Variants in CDK14 observed in about 807,000 individuals in gnomAD.
CDK14 encodes the protein cyclin dependent kinase 14.
In CDK14, 34 loss-of-function variants were observed where a neutral mutation model predicts 60.7. The observed-to-expected ratio is 0.56, with a 90% CI of 0.43 to 0.75. The LOEUF is 0.75. CDK14 is among the 30% of genes least tolerant of loss of function. The pLI, the probability that CDK14 is intolerant of heterozygous loss-of-function variation, is 0.00. For synonymous variants in CDK14, 197 were observed against 203.7 expected (o/e 0.97, Z 0.28); for missense variants, 482 against 564.1 (o/e 0.85, Z 1.47).
chr7:90,824,167 A>G (rs1789641435), intron 5 of CDK14, among the ~76,000 whole-genome samples: 1 of 152,186 alleles, frequency 6.6e-6, no homozygotes, highest in Non-Finnish European at 1.5e-5. Flanking sequence ...ACAATAGACA[A>G]TGTTGATTCT....
intron 4 of CDK14, among the ~76,000 whole-genome samples, chr7:90,765,264 T>G (rs76047380): frequency 6.6e-6 from 1 of 152,212 alleles, no homozygotes; most frequent in Non-Finnish European, 1.5e-5. Context: ...ATTTTTTTTT[T>G]ACTACTTGTT....
At chr7:91,139,710 A>G (rs1800388292) in intron 14 of CDK14, among the ~76,000 whole-genome samples, 1 of 152,182 alleles carries the variant, frequency 6.6e-6, no homozygotes, top group Non-Finnish European at 1.5e-5. Flanking sequence ...CATAGCAAAC[A>G]TTATTTTGGT....
intron 2 of CDK14, among the ~76,000 whole-genome samples, chr7:90,663,454 C>T (rs1360562594): frequency 6.6e-6 from 1 of 152,158 alleles, no homozygotes; most frequent in African/African-American, 2.4e-5. Context: ...CCTGCATTCT[C>T]CAGTTCTTCC....
At position 91,209,637 on chromosome 7, in the gene CDK14, A is replaced by G. The variant is rs1027643233; in HGVS notation, c.*2501A>G. ...TATATGAAGGAATAGCCTGAACTCA[A>G]ACAGATGGTAAGAATAGTACAAACA... On this transcript the variant is annotated 3_prime_UTR_variant, in exon 15 of 15. Transcript: ENST00000380050. The G allele has an allele frequency of 1.2e-4, 18 of 152,776 alleles. No individual in the cohort carries two copies. The highest frequency in any genetic ancestry group is 4.1e-4 in the African/African-American group (17 of 41,586). 9.5% of individuals were successfully genotyped at this position (152,776 alleles called of 1,614,324 possible).
At chr7:90,995,569 A>C in intron 10 of CDK14, among the ~76,000 whole-genome samples, 1 of 152,350 alleles carries the variant, frequency 6.6e-6, no homozygotes, top group Middle Eastern at 3.4e-3. Context: ...ATAGATAACT[A>C]ATATATCCCA....
chr7:90,829,863 C>T (rs750105602), intron 5 of CDK14, among the ~76,000 whole-genome samples: 2 of 152,144 alleles, frequency 1.3e-5, no homozygotes, highest in Non-Finnish European at 2.9e-5. Context: ...AAAACAGTTA[C>T]CTTTGACTCC....
chr7:90,664,201 C>T (rs555124925), intron 2 of CDK14, among the ~76,000 whole-genome samples: 1 of 152,358 alleles, frequency 6.6e-6, no homozygotes, highest in Non-Finnish European at 1.5e-5. Flanking sequence ...CTCATCATCA[C>T]TGACCATCAG....
intron 5 of CDK14, 108 bp downstream of exon 5, chr7:90,790,760 A>G (rs566661869): frequency 1.6e-5 from 10 of 626,066 alleles, no homozygotes; most frequent in African/African-American, 7.4e-5. Context: ...ACAGGATTGT[A>G]TCTTTCATTA....
intron 10 of CDK14, 45 bp downstream of exon 10, chr7:90,984,286 TA>T: frequency 8.3e-7 from 1 of 1,200,406 alleles, no homozygotes; most frequent in African/African-American, 1.5e-5. Context: ...GGTTTCTAAT[TA>T]GTCACTTAGT....
intron 9 of CDK14, among the ~76,000 whole-genome samples, chr7:90,981,164 G>A (rs1342255928): frequency 6.6e-6 from 1 of 152,174 alleles, no homozygotes; most frequent in Admixed American, 6.5e-5. Context: ...GAAGAAAATA[G>A]TCTTAGAAAA....
In CDK14 at chr7:91,208,687, T is replaced by C. The variant is rs1391493249; in HGVS notation, c.*1551T>C. 2 of 152,178 alleles carry C rather than the reference T, an allele frequency of 1.3e-5. No homozygotes were observed. The highest frequency in any genetic ancestry group is 2.9e-5 in the Non-Finnish European group (2 of 68,016). The allele number at this position is 152,178 out of a possible 1,614,324, so 9.4% of individuals were successfully genotyped here. On this transcript the variant is annotated 3_prime_UTR_variant, in exon 15 of 15. Coordinates refer to ENST00000380050, the MANE Select transcript of CDK14 (RefSeq NM_001287135.2). ...ACTTTTTCTGAGAGTTGGGTGAGGG[T>C]AAAGCTTTTCTATAATCAAGCTCAA...
intron 8 of CDK14, among the ~76,000 whole-genome samples, chr7:90,941,525 G>A (rs1331618943): frequency 6.6e-6 from 1 of 152,098 alleles, no homozygotes; most frequent in African/African-American, 2.4e-5. Flanking sequence ...TGCAATCATA[G>A]CTCACTGCAG....
intron 10 of CDK14, among the ~76,000 whole-genome samples, chr7:91,026,749 C>T (rs997904415): frequency 3.9e-5 from 6 of 152,174 alleles, no homozygotes; most frequent in African/African-American, 1.4e-4. Context: ...GTGCTTCCCA[C>T]TTAGGGTTTA....
At position 90,596,476 on chromosome 7, in the gene CDK14, G is replaced by A. The variant is rs1324257515; in HGVS notation, c.-152G>A. On this transcript the variant is annotated 5_prime_UTR_variant, in exon 1 of 15. Coordinates refer to ENST00000380050, the MANE Select transcript of CDK14 (RefSeq NM_001287135.2). ...GCCTGCCGTCCTCCGCCTGCCTGCT[G>A]CTCGCCTCCCTAGACCTGCGCGTCG... 6 of 572,922 alleles carry A rather than the reference G, an allele frequency of 1.0e-5. No homozygotes were observed. In the Admixed American group the frequency reaches 1.6e-4, roughly 15 times the overall value. 35.5% of individuals were successfully genotyped at this position (572,922 alleles called of 1,614,324 possible).
At chr7:90,784,619 T>A (rs1584889834) in intron 4 of CDK14, among the ~76,000 whole-genome samples, 2 of 152,256 alleles carry the variant, frequency 1.3e-5, no homozygotes, top group East Asian at 3.8e-4. Context: ...CTTCTCTCTG[T>A]ATTACTTTGA....
intron 2 of CDK14, among the ~76,000 whole-genome samples, chr7:90,654,021 G>T (rs2374333): frequency 0.31 from 46,441 of 152,052 alleles, 7,978 homozygotes; most frequent in East Asian, 0.67. Context: ...GGCTGCATAG[G>T]ATTCTATGGT....
chr7:90,831,658 C>G (rs1284048779), intron 5 of CDK14, among the ~76,000 whole-genome samples: 1 of 151,556 alleles, frequency 6.6e-6, no homozygotes, highest in Admixed American at 6.6e-5. Context: ...TTCTCTCTTG[C>G]TTGGGCTCTA....
At chr7:90,834,584 TG>T (rs1383049930) in intron 5 of CDK14, among the ~76,000 whole-genome samples, 1 of 152,162 alleles carries the variant, frequency 6.6e-6, no homozygotes, top group Non-Finnish European at 1.5e-5. Flanking sequence ...TTTAGTAGAC[TG>T]GGAAGAAAGG....
intron 2 of CDK14, among the ~76,000 whole-genome samples, chr7:90,653,239 C>T (rs1276270768): frequency 6.6e-6 from 1 of 152,104 alleles, no homozygotes; most frequent in Non-Finnish European, 1.5e-5. Flanking sequence ...CCTTTGAGCA[C>T]CCAGATTCTG....
Sources: allele counts gnomAD v4.1 joint callset (sites outside exome capture counted in the v4.1 genomes callset), GRCh38; gene constraint gnomAD v4.1.1; transcripts MANE v1.5; gene names NCBI Gene and HGNC (gene_info 2026-07-23, HGNC 2026-07-21).